DSCAM: variants seen among roughly 807,000 people sequenced by gnomAD.
The protein encoded by DSCAM is DS cell adhesion molecule.
In DSCAM, 47 loss-of-function variants were observed where a neutral mutation model predicts 217.7. The ratio of observed to expected loss-of-function variants is 0.22; its 90% CI spans 0.17 to 0.28. DSCAM has a LOEUF of 0.28. DSCAM is among the 10% of genes least tolerant of loss of function. DSCAM has a pLI of 1.00. For missense variants in DSCAM, 2,080 were observed against 2,618.3 expected (o/e 0.79, Z 4.49); for synonymous variants, 1,056 against 1,015.3 (o/e 1.04, Z -0.76).
At chr21:40,405,391 A>G (rs2075271750) in intron 3 of DSCAM, among the ~76,000 whole-genome samples, 1 of 152,218 alleles carries the variant, frequency 6.6e-6, no homozygotes, top group Non-Finnish European at 1.5e-5. Context: ...AGCATTAGTG[A>G]TATATGCTAA....
At chr21:40,039,397 C>G (rs1343192722) in intron 32 of DSCAM, among the ~76,000 whole-genome samples, 7 of 150,172 alleles carry the variant, frequency 4.7e-5, no homozygotes, top group African/African-American at 1.7e-4. Context: ...ATTTATTTGA[C>G]TATAATTTCT....
chr21:40,408,378 T>C (rs1004302857), intron 3 of DSCAM, among the ~76,000 whole-genome samples: 9 of 152,106 alleles, frequency 5.9e-5, no homozygotes, highest in Non-Finnish European at 8.8e-5. Flanking sequence ...CCATACATTC[T>C]GGAAATGTTG....
Position 40,157,793 on chromosome 21 carries a change from C to G in DSCAM, c.3018+9425G>C, listed in dbSNP as rs1349692484. Reference sequence around the variant, plus strand: ...GACTGCAGCCTCGACCTCCCAGGCTCAAGTGATTCTCCCACTTCAGCCTCC... The same window carrying G: ...GACTGCAGCCTCGACCTCCCAGGCTGAAGTGATTCTCCCACTTCAGCCTCC... On this transcript the variant is annotated intron_variant, in intron 16 of 32. Coordinates refer to ENST00000400454, the MANE Select transcript of DSCAM (RefSeq NM_001389.5). Among the ~76,000 whole-genome samples the G allele has an allele frequency of 2.6e-5, 4 of 151,936 alleles. No individual in the cohort carries two copies. In the East Asian group the frequency reaches 7.8e-4, roughly 30 times the overall value.
rs550415565 is a variant in DSCAM, at chr21:40,770,369, G to A, written c.44-61598C>T. 5.3e-4 allele frequency among the ~76,000 whole-genome samples: 81 copies of A among 152,224 alleles called. 2 individuals are homozygous for A. The Middle Eastern group carries it at 0.01, about 19-fold the overall frequency. The stretch of plus-strand genomic sequence containing the variant: ...AGCATCAAAGTATTAAAGTAGTGCC[G>A]TGAGACTCACACCTCCAATGGCTAG... On this transcript the variant is annotated intron_variant, in intron 1 of 32. Coordinates refer to ENST00000400454, the MANE Select transcript of DSCAM (RefSeq NM_001389.5).
Position 40,369,140 on chromosome 21 carries a change from C to G in DSCAM, c.614G>C (p.Gly205Ala). The change falls in exon 4 of 33, where the codon GGA becomes GCA. Residue 205 changes from glycine (G) to alanine (A), a missense_variant. Physicochemically the swap from Gly to Ala is moderately conservative, Grantham distance 60 (BLOSUM62 0). Around this residue, in one of 5 missense-constraint regions of DSCAM, gnomAD observed 568 missense variants for 678.1 expected, o/e 0.84. Transcript: ENST00000400454. Reference sequence around the variant, plus strand: ...GGCGCTGTTGCTCTGCCTCGTCTCTCCGGTGTATCGATGCCGCGTGATGCA... The same window carrying G: ...GGCGCTGTTGCTCTGCCTCGTCTCTGCGGTGTATCGATGCCGCGTGATGCA... ...YRCITRHRYT[G>A]ETRQSNSARL... The G allele has an allele frequency of 6.2e-7, 1 of 1,613,100 alleles. No individual in the cohort carries two copies. Among genetic ancestry groups the G allele is most frequent in the Non-Finnish European group, 8.5e-7 (1 of 1,179,542 alleles).
At chr21:40,210,234 A>G (rs971121540) in intron 11 of DSCAM, among the ~76,000 whole-genome samples, 6 of 152,012 alleles carry the variant, frequency 3.9e-5, no homozygotes, top group African/African-American at 7.2e-5. Flanking sequence ...CTCACGTCCT[A>G]CCTCCTCTAT....
chr21:40,015,410 CTT>C (rs1276991866), intron 32 of DSCAM, among the ~76,000 whole-genome samples: 4 of 128,346 alleles, frequency 3.1e-5, no homozygotes, highest in African/African-American at 1.2e-4. Context: ...CAAAATATCT[CTT>C]GACTCTTTTT....
At chr21:40,285,535 A>C (rs999437297) in intron 10 of DSCAM, among the ~76,000 whole-genome samples, 3 of 152,202 alleles carry the variant, frequency 2.0e-5, no homozygotes, top group African/African-American at 7.2e-5. Context: ...TTAGGGTAGC[A>C]CAGAGGAAGG....
chr21:40,130,464 T>C (rs1159548075), intron 19 of DSCAM, among the ~76,000 whole-genome samples: 1 of 152,194 alleles, frequency 6.6e-6, no homozygotes, highest in Non-Finnish European at 1.5e-5. Flanking sequence ...CACCTGAGTC[T>C]ATATTTATGG....
intron 3 of DSCAM, among the ~76,000 whole-genome samples, chr21:40,553,721 G>C (rs773327907): frequency 6.6e-6 from 1 of 152,012 alleles, no homozygotes; most frequent in Non-Finnish European, 1.5e-5. Flanking sequence ...ACACCTGCCA[G>C]CAATTCATGC....
chr21:40,822,283 C>G (rs1025702034), intron 1 of DSCAM, among the ~76,000 whole-genome samples: 1 of 127,526 alleles, frequency 7.8e-6, no homozygotes, highest in South Asian at 2.6e-4. Flanking sequence ...TGCACCACTG[C>G]ACTCCAGCCT....
intron 11 of DSCAM, among the ~76,000 whole-genome samples, chr21:40,274,349 TA>T (rs1010749658): frequency 4.6e-5 from 7 of 152,214 alleles, no homozygotes; most frequent in Non-Finnish European, 7.3e-5. Flanking sequence ...CCCTGCATTG[TA>T]ATCAGTGGCT....
At chr21:40,052,262 C>G (rs1411540960) in intron 29 of DSCAM, among the ~76,000 whole-genome samples, 155 bp from the exon 30 acceptor site, 1 of 152,178 alleles carries the variant, frequency 6.6e-6, no homozygotes, top group Non-Finnish European at 1.5e-5. Context: ...AATTCAAGCA[C>G]TGAATTAGCA....
chr21:40,459,421 A>G (rs180933601), intron 3 of DSCAM, among the ~76,000 whole-genome samples: 9 of 152,346 alleles, frequency 5.9e-5, no homozygotes, highest in Admixed American at 4.6e-4. Flanking sequence ...ACCAATGGAA[A>G]AACTCTTAGA....
At chr21:40,536,477 C>T (rs1463379663) in intron 3 of DSCAM, among the ~76,000 whole-genome samples, 3 of 150,150 alleles carry the variant, frequency 2.0e-5, no homozygotes, top group Non-Finnish European at 4.4e-5. Flanking sequence ...TCTCGGCTCA[C>T]TGCAAGCTCC....
chr21:40,422,378 C>A (rs1399970273), intron 3 of DSCAM, among the ~76,000 whole-genome samples: 1 of 152,146 alleles, frequency 6.6e-6, no homozygotes, highest in Admixed American at 6.5e-5. Context: ...TCCTATAACC[C>A]CAGCACTGTG....
intron 3 of DSCAM, among the ~76,000 whole-genome samples, chr21:40,578,765 A>T (rs558065280): frequency 6.6e-6 from 1 of 152,258 alleles, no homozygotes; most frequent in South Asian, 2.1e-4. Context: ...GGAAGGAATA[A>T]ATTATGGACA....
At chr21:40,167,652 G>A (rs77275827) in intron 15 of DSCAM, among the ~76,000 whole-genome samples, 3,296 of 152,226 alleles carry the variant, frequency 0.022, 113 homozygotes, top group African/African-American at 0.075. Flanking sequence ...TTCTCTCCCC[G>A]CTGGAAGCTT....
chr21:40,087,301 C>A lies in DSCAM; in HGVS notation c.3851-14G>T, dbSNP rs767870931. 3.1e-6 allele frequency: 5 copies of A among 1,598,570 alleles called. No individual in the cohort carries two copies. The East Asian group carries it at 1.1e-4, about 36-fold the overall frequency. ...TTCGTGCAGGAGCTGAGGAACCAAA[C>A]AAAGTGGAATCCTGATTACTCCACA... On this transcript the variant is annotated splice_polypyrimidine_tract_variant and intron_variant, in intron 21 of 32. Coordinates refer to ENST00000400454, the MANE Select transcript of DSCAM (RefSeq NM_001389.5).
Sources: allele counts gnomAD v4.1 joint callset (sites outside exome capture counted in the v4.1 genomes callset), GRCh38; gene constraint gnomAD v4.1.1; regional missense constraint gnomAD v4.1.1; transcripts MANE v1.5; gene names NCBI Gene and HGNC (gene_info 2026-07-23, HGNC 2026-07-21).